The following IDO2 variants were observed in gnomAD, a reference collection of about 807,000 sequenced individuals.
The protein encoded by IDO2 is indoleamine 2,3-dioxygenase-like 1 protein.
A neutral mutation model predicts 45.1 loss-of-function variants in IDO2; 46 were observed. That is an observed-to-expected ratio of 1.02 (90% CI 0.80 to 1.30). IDO2 has a LOEUF of 1.30. IDO2 is among the 50% of genes most tolerant of loss of function. IDO2 has a pLI of 0.00. For missense variants in IDO2, 544 were observed against 491.8 expected (o/e 1.11, Z -1.00); for synonymous variants, 218 against 184.9 (o/e 1.18, Z -1.45).
At chr8:39,978,381 C>T (rs1808293391) in intron 3 of IDO2, among the ~76,000 whole-genome samples, 1 of 152,144 alleles carries the variant, frequency 6.6e-6, no homozygotes, top group Non-Finnish European at 1.5e-5. Context: ...GCCTGGTAGC[C>T]GAATTCAGAG....
intron 4 of IDO2, among the ~76,000 whole-genome samples, chr8:39,980,531 G>A (rs1279547978): frequency 2.6e-5 from 4 of 152,098 alleles, no homozygotes; most frequent in African/African-American, 7.2e-5. Flanking sequence ...GGAAGTAACT[G>A]TTTTTAAAAG....
At chr8:40,008,045 C>CTTT (rs34451617) in intron 9 of IDO2, among the ~76,000 whole-genome samples, 10 of 103,322 alleles carry the variant, frequency 9.7e-5, no homozygotes, top group African/African-American at 2.7e-4. Context: ...AGCACTGGCA[C>CTTT]TTTTTTTTTT....
intron 4 of IDO2, among the ~76,000 whole-genome samples, chr8:39,980,971 C>T (rs891693935): frequency 5.3e-5 from 8 of 151,716 alleles, no homozygotes; most frequent in East Asian, 1.9e-4. Context: ...AGGCTGATCT[C>T]GAACTCCTGA....
At chr8:39,991,144 C>G (rs1808491351) in intron 8 of IDO2, among the ~76,000 whole-genome samples, 1 of 152,186 alleles carries the variant, frequency 6.6e-6, no homozygotes, top group Admixed American at 6.5e-5. Flanking sequence ...GTCATCCCAG[C>G]CTCTCAGCAC....
intron 8 of IDO2, among the ~76,000 whole-genome samples, chr8:40,001,344 G>A (rs781663820): frequency 2.7e-5 from 4 of 145,482 alleles, no homozygotes; most frequent in South Asian, 2.3e-4. Context: ...CCACTTCCTG[G>A]GTTCGAGCAA....
At chr8:39,952,293 A>G (rs1402455127) in intron 2 of IDO2, among the ~76,000 whole-genome samples, 2 of 152,198 alleles carry the variant, frequency 1.3e-5, no homozygotes, top group African/African-American at 4.8e-5. Flanking sequence ...GTTGAAAGGC[A>G]AGCGTCAGAG....
exon 9 of IDO2, chr8:40,005,345 T>C: frequency 6.3e-7 from 1 of 1,581,884 alleles, no homozygotes; most frequent in Non-Finnish European, 8.6e-7. Context: ...GATCCAGACA[T>C]ATTTTATGCA....
At chr8:39,958,141 G>A (rs533374690) in intron 2 of IDO2, among the ~76,000 whole-genome samples, 3 of 152,086 alleles carry the variant, frequency 2.0e-5, no homozygotes, top group Middle Eastern at 3.4e-3. Context: ...TCCTGACCTC[G>A]TGATCTGCCC....
intron 8 of IDO2, among the ~76,000 whole-genome samples, chr8:40,000,042 AATC>A (rs1156992105): frequency 6.6e-6 from 1 of 152,230 alleles, no homozygotes; most frequent in African/African-American, 2.4e-5. Flanking sequence ...CTTTAAAAAT[AATC>A]AAAGACAATT....
chr8:39,989,417 C>T (rs1179329066), intron 7 of IDO2, among the ~76,000 whole-genome samples: 6 of 152,160 alleles, frequency 3.9e-5, no homozygotes, highest in Non-Finnish European at 8.8e-5. Flanking sequence ...TGCAGTAGAA[C>T]TGATCATAAC....
At chr8:39,952,278 G>A (rs1010958272) in intron 2 of IDO2, among the ~76,000 whole-genome samples, 8 of 152,120 alleles carry the variant, frequency 5.3e-5, no homozygotes, top group Non-Finnish European at 1.2e-4. Flanking sequence ...TCTTACTTTC[G>A]TTTAGTTGAA....
At chr8:39,970,688 G>A (rs998334911) in intron 3 of IDO2, among the ~76,000 whole-genome samples, 7 of 151,926 alleles carry the variant, frequency 4.6e-5, no homozygotes, top group East Asian at 1.9e-4. Flanking sequence ...ACCACGCCTG[G>A]CCAGTGGCTA....
intron 2 of IDO2, among the ~76,000 whole-genome samples, chr8:39,960,939 C>A (rs11775317): frequency 6.6e-6 from 1 of 152,156 alleles, no homozygotes; most frequent in African/African-American, 2.4e-5. Flanking sequence ...CCCGCCAACA[C>A]GCCCAGCTAA....
chr8:40,008,591 G>A (rs1802258098), intron 9 of IDO2, among the ~76,000 whole-genome samples: 1 of 152,082 alleles, frequency 6.6e-6, no homozygotes, highest in Non-Finnish European at 1.5e-5. Context: ...ATAGTTCTAA[G>A]AATTATGATA....
At chr8:40,001,939 C>T (rs1022188491) in intron 8 of IDO2, among the ~76,000 whole-genome samples, 7 of 152,082 alleles carry the variant, frequency 4.6e-5, no homozygotes, top group Non-Finnish European at 7.4e-5. Flanking sequence ...GCATGTGCCA[C>T]CACACCAGTC....
chr8:39,943,341 A>G (rs1807676409), intron 1 of IDO2, among the ~76,000 whole-genome samples: 1 of 152,218 alleles, frequency 6.6e-6, no homozygotes. Context: ...ACTGTACTCC[A>G]GTCTGGATGA....
Position 39,957,959 on chromosome 8 carries a change from G to A in IDO2, c.100-5649G>A, listed in dbSNP as rs375596250. On this transcript the variant is annotated intron_variant, in intron 2 of 10. Transcript: ENST00000502986. Reference sequence around the variant, plus strand: ...CTAGCTCTGTCACCCAGGCTGGAGTGCAGTGGTGCGATCTCAGCTCACTGC... The same window carrying A: ...CTAGCTCTGTCACCCAGGCTGGAGTACAGTGGTGCGATCTCAGCTCACTGC... Among the ~76,000 whole-genome samples the A allele has an allele frequency of 4.5e-4, 69 of 152,282 alleles. 1 individual carries two copies. Among genetic ancestry groups the A allele is most frequent in the African/African-American group, 1.6e-3 (68 of 41,550 alleles).
intron 3 of IDO2, among the ~76,000 whole-genome samples, chr8:39,978,049 G>C (rs1339025960): frequency 2.0e-5 from 3 of 152,170 alleles, no homozygotes. Context: ...CTATCTAGCT[G>C]TATTTTAGAA....
chr8:39,967,662 A>G (rs895067188), intron 3 of IDO2, among the ~76,000 whole-genome samples: 5 of 151,932 alleles, frequency 3.3e-5, no homozygotes, highest in African/African-American at 1.2e-4. Flanking sequence ...TAATTTTTGT[A>G]TTTTTATTAG....
Sources: gnomAD v4.1 joint callset for allele counts (sites outside exome capture counted in the v4.1 genomes callset) on GRCh38, gnomAD v4.1.1 for gene constraint, MANE v1.5 for transcripts, NCBI Gene and HGNC (gene_info 2026-07-23, HGNC 2026-07-21) for gene names.